Variants in TANC2 observed in about 807,000 individuals in gnomAD.
The protein encoded by TANC2 is protein TANC2.
In TANC2, 26 loss-of-function variants were observed where a neutral mutation model predicts 210.5. The observed-to-expected ratio is 0.12, with a 90% CI of 0.09 to 0.17. The LOEUF is 0.17. Among genes scored for constraint, TANC2 ranks in the 10% least tolerant of loss-of-function variants. The probability of loss-of-function intolerance (pLI) is 1.00; values close to 1 mark genes in which losing one functional copy is unlikely to be tolerated. For synonymous variants in TANC2, 931 were observed against 967.1 expected (o/e 0.96, Z 0.69); for missense variants, 2,129 against 2,608.9 (o/e 0.82, Z 4.01).
chr17:63,369,037 T>G (rs762553390), intron 14 of TANC2, among the ~76,000 whole-genome samples: 2 of 152,104 alleles, frequency 1.3e-5, no homozygotes, highest in Non-Finnish European at 2.9e-5. Context: ...TACAGAACAT[T>G]AAGAACCTGG....
intron 2 of TANC2, 115 bp downstream of exon 2, chr17:63,009,741 AG>A: frequency 2.3e-6 from 2 of 874,146 alleles, no homozygotes; most frequent in Non-Finnish European, 3.6e-6. Context: ...CTTAAAAGAA[AG>A]TTTACATTTC....
chr17:62,973,179 G>A (rs1009720904), intron 1 of TANC2, among the ~76,000 whole-genome samples: 13 of 152,186 alleles, frequency 8.5e-5, no homozygotes, highest in Admixed American at 7.8e-4. Context: ...ACAGGCATGT[G>A]CCACCATGCC....
chr17:63,381,987 G>A (rs1355698350), intron 15 of TANC2, among the ~76,000 whole-genome samples: 1 of 152,138 alleles, frequency 6.6e-6, no homozygotes, highest in Non-Finnish European at 1.5e-5. Context: ...ATTTAATTAT[G>A]CATTATTTTT....
intron 8 of TANC2, among the ~76,000 whole-genome samples, chr17:63,245,415 A>G (rs899903913): frequency 2.0e-5 from 3 of 152,194 alleles, no homozygotes; most frequent in African/African-American, 7.2e-5. Flanking sequence ...TTTTTAAAAT[A>G]TATAAAATGT....
chr17:62,986,067 G>C (rs1241959443), intron 1 of TANC2, among the ~76,000 whole-genome samples: 1 of 152,162 alleles, frequency 6.6e-6, no homozygotes, highest in Admixed American at 6.5e-5. Context: ...GGGCATGTTG[G>C]CTCTATTTCT....
At chr17:63,366,192 C>T (rs1367379903) in intron 14 of TANC2, among the ~76,000 whole-genome samples, 1 of 152,154 alleles carries the variant, frequency 6.6e-6, no homozygotes, top group Non-Finnish European at 1.5e-5. Context: ...TTTGTTACCT[C>T]CTGCCATGCC....
At chr17:63,162,723 T>G (rs1411545980) in intron 5 of TANC2, among the ~76,000 whole-genome samples, 1 of 152,102 alleles carries the variant, frequency 6.6e-6, no homozygotes, top group African/African-American at 2.4e-5. Context: ...CTCTTCTGAT[T>G]GTTTTTATTT....
chr17:63,059,907 A>G (rs544461319), intron 2 of TANC2, among the ~76,000 whole-genome samples: 92 of 152,290 alleles, frequency 6.0e-4, no homozygotes, highest in Middle Eastern at 3.4e-3. Context: ...GCATTTCAAG[A>G]TCACAACCTG....
intron 9 of TANC2, among the ~76,000 whole-genome samples, chr17:63,295,849 A>G (rs921556675): frequency 2.0e-5 from 3 of 152,198 alleles, no homozygotes; most frequent in Non-Finnish European, 4.4e-5. Flanking sequence ...TAAAAATACT[A>G]TAAGAATTTT....
At chr17:63,141,913 A>C (rs2039305686) in intron 4 of TANC2, among the ~76,000 whole-genome samples, 1 of 152,218 alleles carries the variant, frequency 6.6e-6, no homozygotes, top group African/African-American at 2.4e-5. Context: ...TGTTGGAAAA[A>C]GTTTTTAAAC....
chr17:63,371,735 G>A (rs2047275568), intron 14 of TANC2, among the ~76,000 whole-genome samples: 1 of 152,188 alleles, frequency 6.6e-6, no homozygotes, highest in Admixed American at 6.5e-5. Context: ...TGTATATTTT[G>A]TGTGAAACAA....
At chr17:63,070,219 T>C (rs550270630) in intron 2 of TANC2, among the ~76,000 whole-genome samples, 21 of 152,248 alleles carry the variant, frequency 1.4e-4, no homozygotes, top group African/African-American at 5.1e-4. Flanking sequence ...ACCATAAACT[T>C]AAGGGGAAAA....
chr17:63,207,604 TC>T (rs1430078111), intron 7 of TANC2, among the ~76,000 whole-genome samples: 1 of 152,238 alleles, frequency 6.6e-6, no homozygotes, highest in African/African-American at 2.4e-5. Flanking sequence ...CATATCATAT[TC>T]TACTGTATGA....
chr17:63,330,306 A>G (rs965575964), intron 11 of TANC2, among the ~76,000 whole-genome samples: 2 of 152,234 alleles, frequency 1.3e-5, no homozygotes, highest in African/African-American at 4.8e-5. Flanking sequence ...GTACGTGCTG[A>G]TACACGAGCT....
At chr17:63,290,101 A>G (rs139003306) in intron 9 of TANC2, among the ~76,000 whole-genome samples, 1 of 152,126 alleles carries the variant, frequency 6.6e-6, no homozygotes, top group African/African-American at 2.4e-5. Flanking sequence ...TGTTAAGAGC[A>G]TTGTGCTTTG....
chr17:63,304,642 G>A (rs1349055238), intron 9 of TANC2, among the ~76,000 whole-genome samples: 1 of 152,118 alleles, frequency 6.6e-6, no homozygotes, highest in African/African-American at 2.4e-5. Context: ...CTGGGTAGGG[G>A]GCCTTGTCTG....
chr17:63,206,211 G>A (rs1038264788), intron 7 of TANC2, among the ~76,000 whole-genome samples: 5 of 152,190 alleles, frequency 3.3e-5, no homozygotes, highest in Admixed American at 2.0e-4. Context: ...ACAAGTGTTG[G>A]CAAGGACGTG....
chr17:63,266,760 A>G (rs1314026941), intron 8 of TANC2, among the ~76,000 whole-genome samples: 1 of 152,204 alleles, frequency 6.6e-6, no homozygotes, highest in Non-Finnish European at 1.5e-5. Flanking sequence ...CCATAAAAAG[A>G]TAATCTTAGG....
At chr17:63,220,153 G>A (rs931201887) in intron 7 of TANC2, among the ~76,000 whole-genome samples, 2 of 150,678 alleles carry the variant, frequency 1.3e-5, no homozygotes, top group African/African-American at 4.9e-5. Context: ...AAATTAGTGG[G>A]GCATGGTGTC....
Sources: allele counts gnomAD v4.1 joint callset (sites outside exome capture counted in the v4.1 genomes callset), GRCh38; gene constraint gnomAD v4.1.1; transcripts MANE v1.5; gene names NCBI Gene and HGNC (gene_info 2026-07-23, HGNC 2026-07-21).